Variants in JARID2 observed in about 807,000 individuals in gnomAD.
JARID2 encodes protein Jumonji.
JARID2 carries 21 observed loss-of-function variants against 125.6 expected under a neutral mutation model. That is an observed-to-expected ratio of 0.17 (90% CI 0.12 to 0.24). The LOEUF is 0.24. Ranked by LOEUF, JARID2 falls within the 10% of genes least tolerant of loss-of-function variation. The pLI is 1.00. For synonymous variants in JARID2, 736 were observed against 661.6 expected (o/e 1.11, Z -1.73); for missense variants, 1,303 against 1,639.6 (o/e 0.79, Z 3.55).
chr6:15,354,444 A>G (rs983846959), intron 1 of JARID2, among the ~76,000 whole-genome samples: 11 of 151,874 alleles, frequency 7.2e-5, no homozygotes, highest in African/African-American at 2.4e-4. Context: ...ATTTGTTAAC[A>G]GCAGCAACAG....
intron 5 of JARID2, among the ~76,000 whole-genome samples, chr6:15,474,978 G>GT (rs1284404224): frequency 6.6e-6 from 1 of 152,168 alleles, no homozygotes; most frequent in Non-Finnish European, 1.5e-5. Flanking sequence ...GACACCAGTC[G>GT]TTTACACAAG....
intron 1 of JARID2, among the ~76,000 whole-genome samples, chr6:15,266,865 A>C (rs1760105217): frequency 6.6e-6 from 1 of 152,138 alleles, no homozygotes; most frequent in South Asian, 2.1e-4. Flanking sequence ...CCAGCTGACC[A>C]CTGGTTGTCC....
chr6:15,263,114 GT>G, intron 1 of JARID2, among the ~76,000 whole-genome samples: 1 of 140,786 alleles, frequency 7.1e-6, no homozygotes, highest in African/African-American at 2.7e-5. Flanking sequence ...GTGTGTGTGT[GT>G]GTGGTAGGGG....
At chr6:15,462,344 C>T (rs899850413) in intron 4 of JARID2, among the ~76,000 whole-genome samples, 7 of 152,162 alleles carry the variant, frequency 4.6e-5, no homozygotes, top group African/African-American at 1.7e-4. Flanking sequence ...TTATATTTGT[C>T]CCAAAGTCTT....
intron 1 of JARID2, among the ~76,000 whole-genome samples, chr6:15,259,324 A>G (rs1452080939): frequency 3.3e-5 from 5 of 152,192 alleles, no homozygotes; most frequent in African/African-American, 9.7e-5. Context: ...TCAGCTTGTA[A>G]TAATGTCTTG....
chr6:15,275,416 C>T (rs1760458467), intron 1 of JARID2, among the ~76,000 whole-genome samples: 1 of 151,670 alleles, frequency 6.6e-6, no homozygotes. Context: ...TTCACAGTCA[C>T]CTGTAATTGG....
At position 15,501,289 on chromosome 6, in the gene JARID2, G is replaced by T. The variant is rs1197207314; in HGVS notation, c.2328G>T (p.Glu776Asp). The T allele has an allele frequency of 1.2e-6, 2 of 1,613,432 alleles. No homozygotes were observed. Among genetic ancestry groups the T allele is most frequent in the Non-Finnish European group, 8.5e-7 (1 of 1,179,654 alleles). The change falls in exon 8 of 18, where the codon GAG becomes GAT. Residue 776 changes from glutamate to aspartate, a missense_variant. Physicochemically the swap from Glu to Asp is conservative, Grantham distance 45. This residue lies in a region of JARID2 where 124 missense variants were observed against 131.0 expected (regional missense o/e 0.95). Transcript: ENST00000341776. Reference protein sequence around the residue: ...PRNGFRSKLKEVGQAQLKTGR... With the variant: ...PRNGFRSKLKDVGQAQLKTGR... ...ACGGCTTCCGCAGCAAGCTCAAGGAGGTGGGCCAGGCCCAGTTGAAGACTG... is the reference window on the plus strand; with the variant it reads ...ACGGCTTCCGCAGCAAGCTCAAGGATGTGGGCCAGGCCCAGTTGAAGACTG...
chr6:15,399,851 C>G, intron 2 of JARID2, among the ~76,000 whole-genome samples: 1 of 152,236 alleles, frequency 6.6e-6, no homozygotes, highest in East Asian at 1.9e-4. Flanking sequence ...TGGCCACCAT[C>G]TTCCTCCCAT....
At chr6:15,267,179 A>G (rs1472982782) in intron 1 of JARID2, among the ~76,000 whole-genome samples, 1 of 152,222 alleles carries the variant, frequency 6.6e-6, no homozygotes, top group Non-Finnish European at 1.5e-5. Context: ...TGAAACTCTG[A>G]ACACAGTGTC....
intron 1 of JARID2, among the ~76,000 whole-genome samples, chr6:15,336,085 G>GTGAATGAA (rs5874508): frequency 4.0e-5 from 6 of 149,396 alleles, no homozygotes; most frequent in Admixed American, 6.7e-5. Flanking sequence ...GTCTCCAAGG[G>GTGAATGAA]TGAATGAATG....
intron 3 of JARID2, 86 bp downstream of exon 3, chr6:15,410,451 C>G: frequency 7.7e-7 from 1 of 1,300,576 alleles, no homozygotes; most frequent in South Asian, 1.4e-5. Context: ...ATAACGTGAG[C>G]CCATTCACCC....
At chr6:15,423,707 C>T (rs1210386065) in intron 3 of JARID2, among the ~76,000 whole-genome samples, 3 of 152,120 alleles carry the variant, frequency 2.0e-5, no homozygotes, top group Non-Finnish European at 4.4e-5. Flanking sequence ...ACGTTTTATC[C>T]TTGGTATGGG....
chr6:15,454,604 A>G (rs1453252237), intron 4 of JARID2, among the ~76,000 whole-genome samples: 2 of 151,544 alleles, frequency 1.3e-5, no homozygotes, highest in Non-Finnish European at 2.9e-5. Flanking sequence ...CAACCTCTCC[A>G]ATAGCTAGAC....
chr6:15,497,368 A>G (rs761537796), intron 7 of JARID2, among the ~76,000 whole-genome samples, 198 bp downstream of exon 7: 3 of 152,140 alleles, frequency 2.0e-5, no homozygotes, highest in Non-Finnish European at 2.9e-5. Flanking sequence ...CAGGATAAGA[A>G]TGGTATTGAG....
intron 1 of JARID2, among the ~76,000 whole-genome samples, chr6:15,282,043 G>A (rs1021896660): frequency 2.0e-5 from 3 of 151,828 alleles, no homozygotes; most frequent in Non-Finnish European, 2.9e-5. Flanking sequence ...TTTGCCTCCC[G>A]AGTTCAGACC....
At position 15,486,806 on chromosome 6, in the gene JARID2, C is replaced by CTTTTTTTTTTTTTTTTTTTTTTTTTTTT. The variant is rs56268949; in HGVS notation, c.671-483_671-482insTTTTTTTTTTTTTTTTTTTTTTTTTTTT. On this transcript the variant is annotated intron_variant, in intron 5 of 17. Transcript: ENST00000341776. ...CATCTCTTTTAAATCTGAGAATAGA[C>CTTTTTTTTTTTTTTTTTTTTTTTTTTTT]TTTTTTTTTTTTTTTTTTGAGACAG... 2.0e-4 allele frequency among the ~76,000 whole-genome samples: 20 copies of CTTTTTTTTTTTTTTTTTTTTTTTTTTTT among 100,516 alleles called. 3 individuals carry two copies. Among genetic ancestry groups the CTTTTTTTTTTTTTTTTTTTTTTTTTTTT allele is most frequent in the East Asian group, 5.5e-4 (2 of 3,610 alleles). 65.9% of individuals were successfully genotyped at this position (100,516 alleles called of 152,430 possible).
chr6:15,385,512 GT>G (rs1434852228), intron 2 of JARID2, among the ~76,000 whole-genome samples: 3 of 150,396 alleles, frequency 2.0e-5, no homozygotes, highest in Non-Finnish European at 4.4e-5. Flanking sequence ...TTAAGATATA[GT>G]TTTTTATAGA....
At position 15,312,900 on chromosome 6, in the gene JARID2, A is replaced by G. The variant is rs190160401; in HGVS notation, c.46-61217A>G. Among the ~76,000 whole-genome samples, 325 of 152,030 alleles carry G rather than the reference A, an allele frequency of 2.1e-3. 1 individual carries two copies. Among genetic ancestry groups the G allele is most frequent in the African/African-American group, 7.4e-3 (306 of 41,452 alleles). ...GATTCTGCCCTTACCTTTACCCCTC[A>G]CCACCCCACTAGGGGACAAAACAAG... On this transcript the variant is annotated intron_variant, in intron 1 of 17. Transcript: ENST00000341776.
chr6:15,266,691 C>G, intron 1 of JARID2, among the ~76,000 whole-genome samples: 1 of 152,184 alleles, frequency 6.6e-6, no homozygotes, highest in African/African-American at 2.4e-5. Flanking sequence ...TCTACACTCT[C>G]AATGTTTAAA....
Sources: gnomAD v4.1 joint callset for allele counts (sites outside exome capture counted in the v4.1 genomes callset) on GRCh38, gnomAD v4.1.1 for gene constraint, gnomAD v4.1.1 regional missense constraint, MANE v1.5 for transcripts, NCBI Gene and HGNC (gene_info 2026-07-23, HGNC 2026-07-21) for gene names.